Variants in FHIT observed in about 807,000 individuals in gnomAD.
The protein encoded by FHIT is fragile histidine triad diadenosine triphosphatase, also known as bis(5'-adenosyl)-triphosphatase.
In FHIT, 19 loss-of-function variants were observed where a neutral mutation model predicts 17.9. That is an observed-to-expected ratio of 1.06 (90% CI 0.74 to 1.56). The LOEUF (loss-of-function observed/expected upper bound fraction) is 1.56. FHIT is among the 40% of genes most tolerant of loss of function. The pLI is 0.00. For missense variants in FHIT, 248 were observed against 189.2 expected (o/e 1.31, Z -1.82); for synonymous variants, 81 against 69.7 (o/e 1.16, Z -0.81).
intron 3 of FHIT, among the ~76,000 whole-genome samples, chr3:60,999,418 G>C (rs2030908337): frequency 6.6e-6 from 1 of 150,756 alleles, no homozygotes; most frequent in East Asian, 1.9e-4. Context: ...GGAGAGAAAT[G>C]CATAACATCC....
At chr3:60,172,741 T>G (rs889873994) in intron 5 of FHIT, among the ~76,000 whole-genome samples, 1 of 151,970 alleles carries the variant, frequency 6.6e-6, no homozygotes, top group African/African-American at 2.4e-5. Context: ...TGAGACAAGG[T>G]TGGTGTGAGA....
chr3:60,935,938 A>G (rs1403698609), intron 3 of FHIT, among the ~76,000 whole-genome samples: 4 of 152,192 alleles, frequency 2.6e-5, no homozygotes, highest in Non-Finnish European at 5.9e-5. Context: ...TGAATCATCA[A>G]TGCGTGGCAC....
At chr3:60,715,611 G>C (rs1553706556) in intron 4 of FHIT, among the ~76,000 whole-genome samples, 2 of 133,276 alleles carry the variant, frequency 1.5e-5, no homozygotes, top group South Asian at 5.1e-4. Context: ...TCACACTCTG[G>C]GGACTGTTGT....
chr3:59,957,017 A>C (rs1449720665), intron 7 of FHIT, among the ~76,000 whole-genome samples: 2 of 152,186 alleles, frequency 1.3e-5, no homozygotes, highest in Non-Finnish European at 2.9e-5. Context: ...TACACTCTAC[A>C]GAACAGGGAC....
intron 5 of FHIT, among the ~76,000 whole-genome samples, chr3:60,311,467 G>A (rs116422763): frequency 0.012 from 1,852 of 152,164 alleles, 39 homozygotes; most frequent in African/African-American, 0.041. Context: ...GATGTTGTCT[G>A]GTTTCTTCAC....
intron 7 of FHIT, among the ~76,000 whole-genome samples, chr3:60,009,211 GTGTGTGTGTGTGTGTGTGTA>G (rs1424822211): frequency 1.4e-3 from 197 of 143,410 alleles, no homozygotes; most frequent in African/African-American, 5.0e-3. Flanking sequence ...GTGTGTGTGT[GTGTGTGTGTGTGTGTGTGTA>G]TGGTGGTTTT....
In FHIT at chr3:60,218,285, A is replaced by G. The variant is rs369658815; in HGVS notation, c.104-204133T>C. 6.1e-4 allele frequency among the ~76,000 whole-genome samples: 93 copies of G among 152,274 alleles called. 1 individual carries two copies. The South Asian group carries it at 0.019, about 31-fold the overall frequency. On this transcript the variant is annotated intron_variant, in intron 5 of 9. Transcript: ENST00000492590. ...ATCCTTTAGGAATACTTAAAATTGT[A>G]GTTAAATATATTTTATGTAGGAAAC...
intron 2 of FHIT, among the ~76,000 whole-genome samples, chr3:61,065,833 A>C (rs2034589286): frequency 6.6e-6 from 1 of 152,120 alleles, no homozygotes; most frequent in Non-Finnish European, 1.5e-5. Flanking sequence ...TCAGTAGTCT[A>C]GTGCTGACAT....
intron 4 of FHIT, among the ~76,000 whole-genome samples, chr3:60,627,222 G>A (rs1553681209): frequency 6.6e-6 from 1 of 152,146 alleles, no homozygotes; most frequent in Non-Finnish European, 1.5e-5. Flanking sequence ...TTTTGGAAGA[G>A]TTTCTGAAAA....
chr3:59,896,843 C>T (rs56122642), intron 8 of FHIT, among the ~76,000 whole-genome samples: 4,932 of 152,088 alleles, frequency 0.032, 248 homozygotes, highest in African/African-American at 0.11. Context: ...ACATTACTGA[C>T]GAAATCTGGA....
intron 4 of FHIT, among the ~76,000 whole-genome samples, chr3:60,746,892 T>C (rs1237958219): frequency 6.6e-6 from 1 of 152,158 alleles, no homozygotes; most frequent in African/African-American, 2.4e-5. Context: ...TCTTGCCAAA[T>C]GGAGTTTCCT....
chr3:59,960,408 C>T (rs1707615478), intron 7 of FHIT, among the ~76,000 whole-genome samples: 1 of 152,154 alleles, frequency 6.6e-6, no homozygotes, highest in Non-Finnish European at 1.5e-5. Context: ...AGATTTCTGA[C>T]CTGACCAGAT....
chr3:60,868,174 C>T (rs1704246486), intron 3 of FHIT, among the ~76,000 whole-genome samples: 1 of 152,138 alleles, frequency 6.6e-6, no homozygotes, highest in South Asian at 2.1e-4. Flanking sequence ...ATTATTGATG[C>T]CTTGGCCAGA....
intron 8 of FHIT, among the ~76,000 whole-genome samples, chr3:59,864,266 G>A (rs1030874634): frequency 1.3e-5 from 2 of 152,198 alleles, no homozygotes; most frequent in South Asian, 4.2e-4. Context: ...GAATCATGGG[G>A]GCTGGTCTGG....
intron 5 of FHIT, among the ~76,000 whole-genome samples, chr3:60,527,733 T>C (rs1436128565): frequency 6.6e-6 from 1 of 152,114 alleles, no homozygotes; most frequent in African/African-American, 2.4e-5. Context: ...TTTAGGAAAA[T>C]ACAACACTAG....
intron 5 of FHIT, among the ~76,000 whole-genome samples, chr3:60,207,451 AT>A (rs1269280556): frequency 6.6e-6 from 1 of 151,680 alleles, no homozygotes; most frequent in African/African-American, 2.4e-5. Context: ...CTATATCTGT[AT>A]TTTTTTTCCA....
At chr3:59,842,261 A>C (rs1701561441) in intron 8 of FHIT, among the ~76,000 whole-genome samples, 1 of 152,192 alleles carries the variant, frequency 6.6e-6, no homozygotes, top group African/African-American at 2.4e-5. Context: ...AGGTTGAATA[A>C]TATTTTATTG....
chr3:60,200,767 T>C (rs1702864663), intron 5 of FHIT, among the ~76,000 whole-genome samples: 1 of 152,116 alleles, frequency 6.6e-6, no homozygotes, highest in Non-Finnish European at 1.5e-5. Context: ...TACACTGCTC[T>C]TGATGATATT....
chr3:60,416,814 C>CAT (rs1408336030), intron 5 of FHIT, among the ~76,000 whole-genome samples: 61 of 152,086 alleles, frequency 4.0e-4, no homozygotes, highest in African/African-American at 1.5e-3. Flanking sequence ...AGGCCGGGTG[C>CAT]GGCAGCTGAT....
Sources: gnomAD v4.1 joint callset for allele counts (sites outside exome capture counted in the v4.1 genomes callset) on GRCh38, gnomAD v4.1.1 for gene constraint, MANE v1.5 for transcripts, NCBI Gene and HGNC (gene_info 2026-07-23, HGNC 2026-07-21) for gene names.